The following CPEB3 variants were observed in gnomAD, a reference collection of about 807,000 sequenced individuals.
CPEB3 encodes cytoplasmic polyadenylation element binding protein 3, also known as cytoplasmic polyadenylation element-binding protein 3.
In CPEB3, 20 loss-of-function variants were observed where a neutral mutation model predicts 67.2. The observed-to-expected ratio is 0.30, with a 90% CI of 0.21 to 0.43. CPEB3 has a LOEUF of 0.43. Among genes scored for constraint, CPEB3 ranks in the 20% least tolerant of loss-of-function variants. The pLI, the probability that CPEB3 is intolerant of heterozygous loss-of-function variation, is 1.00. For synonymous variants in CPEB3, 376 were observed against 393.1 expected (o/e 0.96, Z 0.51); for missense variants, 746 against 968.6 (o/e 0.77, Z 3.05).
At chr10:92,131,707 C>T (rs916717232) in intron 6 of CPEB3, among the ~76,000 whole-genome samples, 3 of 152,140 alleles carry the variant, frequency 2.0e-5, no homozygotes, top group African/African-American at 4.8e-5. Context: ...AAATAAACTG[C>T]CTCCCTTGTC....
chr10:92,083,066 AG>A (rs1843222476), intron 8 of CPEB3, among the ~76,000 whole-genome samples: 1 of 152,224 alleles, frequency 6.6e-6, no homozygotes, highest in Non-Finnish European at 1.5e-5. Flanking sequence ...GAAACTGCTG[AG>A]GCAGTAAGAA....
chr10:92,216,779 C>T (rs1850427498), intron 2 of CPEB3: 8 of 1,609,722 alleles, frequency 5.0e-6, no homozygotes, highest in South Asian at 2.2e-5. Flanking sequence ...GCAGTCCCTG[C>T]CCCTACCCCT....
In CPEB3 at chr10:92,239,674, A is replaced by G. The variant is rs1240508039; in HGVS notation, c.677T>C (p.Val226Ala). ...MTSKPSSSSA[V>A]AAAAAAAAAS... is the part of the protein sequence containing the mutation. ...GGCGGCTGCGGCAGCAGCGGCTGCA[A>G]CCGCCGAAGACGAGGACGGCTTGCT... Residue 226 changes from valine (V) to alanine (A), a missense_variant, in exon 2 of 10, where the codon GTT (valine) becomes GCT (alanine). By Grantham distance (64) the Val-to-Ala change is moderately conservative (BLOSUM62 0). Transcript: ENST00000265997. The surrounding 1 kb of genome is among the most constrained non-coding windows in gnomAD (Gnocchi z 6.0). 4 of 1,562,434 alleles carry G rather than the reference A, an allele frequency of 2.6e-6. No individual in the cohort carries two copies. The Admixed American group carries it at 5.6e-5, about 22-fold the overall frequency.
chr10:92,184,745 T>C, intron 3 of CPEB3, among the ~76,000 whole-genome samples: 1 of 152,238 alleles, frequency 6.6e-6, no homozygotes, highest in East Asian at 1.9e-4. Flanking sequence ...TTTAAGCTGG[T>C]TTCTTTACCT....
At position 92,192,473 on chromosome 10, in the gene CPEB3, TA is replaced by T; in HGVS notation, c.1165+3del. 1 of 1,611,104 alleles carries T rather than the reference TA, an allele frequency of 6.2e-7. No individual in the cohort carries two copies. On this transcript the variant is annotated splice_donor_region_variant and intron_variant, in intron 3 of 9. Coordinates refer to ENST00000265997, the MANE Select transcript of CPEB3 (RefSeq NM_014912.5). ...CAAGAAATGGACATATGAATATTCC[TA>T]ACCTGCAAAATGATTCCTCCACATT...
intron 3 of CPEB3, among the ~76,000 whole-genome samples, chr10:92,185,736 C>T (rs1848657941): frequency 6.6e-6 from 1 of 152,118 alleles, no homozygotes; most frequent in African/African-American, 2.4e-5. Context: ...GAAAGACTTA[C>T]CAGGTAAAAT....
At chr10:92,128,211 C>T (rs1845687212) in intron 6 of CPEB3, among the ~76,000 whole-genome samples, 1 of 152,162 alleles carries the variant, frequency 6.6e-6, no homozygotes, top group Non-Finnish European at 1.5e-5. Flanking sequence ...AGAAGCATTA[C>T]TTCTAATAAC....
chr10:92,096,033 ATTTTT>A (rs11335065), intron 7 of CPEB3, among the ~76,000 whole-genome samples: 1 of 102,614 alleles, frequency 9.7e-6, no homozygotes. Flanking sequence ...CACCTGGCTG[ATTTTT>A]TTTTTTTTTT....
At chr10:92,132,557 T>C (rs1279278988) in intron 6 of CPEB3, among the ~76,000 whole-genome samples, 1 of 152,028 alleles carries the variant, frequency 6.6e-6, no homozygotes, top group African/African-American at 2.4e-5. Context: ...TTTATGTTAG[T>C]ACTACAAAAA....
At chr10:92,237,092 T>C (rs1331762353) in intron 2 of CPEB3, among the ~76,000 whole-genome samples, 1 of 152,220 alleles carries the variant, frequency 6.6e-6, no homozygotes, top group African/African-American at 2.4e-5. Flanking sequence ...TTTCAATAAA[T>C]GCACATACAC....
chr10:92,230,927 A>T (rs1030392801), intron 2 of CPEB3, among the ~76,000 whole-genome samples: 8 of 152,244 alleles, frequency 5.3e-5, no homozygotes, highest in African/African-American at 1.9e-4. Flanking sequence ...AAAGAGGGTC[A>T]GGCATGGCCT....
chr10:92,215,394 C>T (rs1204022706), intron 2 of CPEB3, among the ~76,000 whole-genome samples: 4 of 139,162 alleles, frequency 2.9e-5, no homozygotes, highest in Non-Finnish European at 4.7e-5. Context: ...TCTCCTGATC[C>T]GCCCACCACA....
At chr10:92,189,777 C>T (rs1162529585) in intron 3 of CPEB3, among the ~76,000 whole-genome samples, 6 of 139,914 alleles carry the variant, frequency 4.3e-5, no homozygotes, top group Admixed American at 3.0e-4. Context: ...GGCGCAATCT[C>T]GGTCACTGCA....
intron 2 of CPEB3, among the ~76,000 whole-genome samples, chr10:92,203,337 G>GATATATATATATATATGTATATATATGT (rs1849606138): frequency 7.1e-6 from 1 of 141,200 alleles, no homozygotes; most frequent in Non-Finnish European, 1.5e-5. Flanking sequence ...CATAAGAGAT[G>GATATATATATATATATGTATATATATGT]ATATATATAT....
intron 7 of CPEB3, among the ~76,000 whole-genome samples, chr10:92,109,213 G>C (rs73314360): frequency 1.1e-4 from 16 of 151,714 alleles, no homozygotes; most frequent in African/African-American, 3.6e-4. Context: ...TGGAGGTTGA[G>C]AATTTACCTC....
chr10:92,279,928 T>C (rs1048807401), intron 1 of CPEB3, among the ~76,000 whole-genome samples: 1 of 152,016 alleles, frequency 6.6e-6, no homozygotes, highest in Non-Finnish European at 1.5e-5. Flanking sequence ...TGAAAGTCAC[T>C]TGAACCTGGG....
At chr10:92,272,367 A>G (rs1258620121) in intron 1 of CPEB3, 2 of 152,164 alleles carry the variant, frequency 1.3e-5, no homozygotes, top group Non-Finnish European at 2.9e-5. Flanking sequence ...CTGTAATCGC[A>G]AATTTCTCCA....
chr10:92,160,545 C>T (rs1048584973), intron 4 of CPEB3, among the ~76,000 whole-genome samples: 4 of 152,160 alleles, frequency 2.6e-5, no homozygotes, highest in Non-Finnish European at 5.9e-5. Flanking sequence ...TGATGTTATG[C>T]TGCCTGACAA....
intron 6 of CPEB3, among the ~76,000 whole-genome samples, chr10:92,130,836 G>A (rs569607087): frequency 1.3e-5 from 2 of 152,226 alleles, no homozygotes; most frequent in South Asian, 4.1e-4. Flanking sequence ...AGGCTAAAGG[G>A]CTGAATAGTG....
Sources: gnomAD v4.1 joint callset for allele counts (sites outside exome capture counted in the v4.1 genomes callset) on GRCh38, gnomAD v4.1.1 for gene constraint, Gnocchi (gnomAD v3.1) non-coding constraint, MANE v1.5 for transcripts, NCBI Gene and HGNC (gene_info 2026-07-23, HGNC 2026-07-21) for gene names.